The following MARK1 variants were observed in gnomAD, a reference collection of about 807,000 sequenced individuals.
MARK1 encodes the protein microtubule affinity regulating kinase 1.
Under a neutral mutation model 96.3 loss-of-function variants are expected in MARK1, and 40 were observed. The observed-to-expected ratio is 0.42, with a 90% CI of 0.32 to 0.54. The LOEUF is 0.54. Among genes scored for constraint, MARK1 ranks in the 20% least tolerant of loss-of-function variants. The pLI is 0.16. For missense variants in MARK1, 719 were observed against 984.6 expected (o/e 0.73, Z 3.61); for synonymous variants, 317 against 341.2 (o/e 0.93, Z 0.78).
rs112056463 is a variant in MARK1 at position 220,650,607 on chromosome 1, T to C, written c.1471-13T>C. 4.2e-4 allele frequency: 643 copies of C among 1,539,646 alleles called. 4 individuals carry two copies. In the African/African-American group the frequency reaches 8.0e-3, roughly 19 times the overall value. On this transcript the variant is annotated splice_polypyrimidine_tract_variant and intron_variant, in intron 13 of 17. Transcript: ENST00000366917. ...TTTATAATTTTTTAATTGCCTTTTTTTTATTCTTGAAGAACAATGTGTATT... is the reference window on the plus strand; with the variant it reads ...TTTATAATTTTTTAATTGCCTTTTTCTTATTCTTGAAGAACAATGTGTATT...
chr1:220,650,770 A>G, intron 14 of MARK1, 50 bp downstream of exon 14: 2 of 1,370,280 alleles, frequency 1.5e-6, no homozygotes, highest in Non-Finnish European at 1.0e-6. Flanking sequence ...GTTCTGTGTT[A>G]GTGCCCTTGC....
Position 220,653,316 on chromosome 1 carries a change from G to C in MARK1, c.1952G>C (p.Gly651Ala). Reference protein sequence around the residue: ...FAHARRGTSTGIISKITSKFV... With the variant: ...FAHARRGTSTAIISKITSKFV... ...CATGCCAGAAGGGGAACGTCAACTG[G>C]TATAATAAGCAAAATCACATCCAAA... The change falls in exon 16 of 18, where the codon GGT becomes GCT. Residue 651 changes from glycine (G) to alanine (A), a missense_variant. Gly to Ala is a moderately conservative substitution (Grantham distance 60). Coordinates refer to ENST00000366917, the MANE Select transcript of MARK1 (RefSeq NM_018650.5). 6.2e-7 allele frequency: 1 copy of C among 1,614,188 alleles called. No homozygotes were observed. The highest frequency in any genetic ancestry group is 8.5e-7 in the Non-Finnish European group (1 of 1,180,038).
At chr1:220,564,116 G>A (rs1662880149) in intron 1 of MARK1, among the ~76,000 whole-genome samples, 2 of 152,254 alleles carry the variant, frequency 1.3e-5, no homozygotes, top group South Asian at 2.1e-4. Context: ...GCATTAAATG[G>A]CCTTTAAATA....
chr1:220,586,950 T>C (rs1664664394), intron 3 of MARK1, among the ~76,000 whole-genome samples: 1 of 152,180 alleles, frequency 6.6e-6, no homozygotes, highest in South Asian at 2.1e-4. Context: ...TTTCTCATGA[T>C]ATTTATTTAT....
chr1:220,652,333 T>C (rs1668927480), intron 15 of MARK1, among the ~76,000 whole-genome samples, 183 bp downstream of exon 15: 1 of 152,246 alleles, frequency 6.6e-6, no homozygotes, highest in South Asian at 2.1e-4. Context: ...TTGGAAATGT[T>C]GCATATAACT....
intron 3 of MARK1, among the ~76,000 whole-genome samples, chr1:220,587,217 T>C (rs190945337): frequency 2.0e-4 from 30 of 152,276 alleles, no homozygotes; most frequent in Non-Finnish European, 3.8e-4. Context: ...TCATTTAACA[T>C]TGTCTTATAG....
chr1:220,534,485 T>A (rs772180431), intron 1 of MARK1, among the ~76,000 whole-genome samples: 5 of 152,118 alleles, frequency 3.3e-5, no homozygotes, highest in Non-Finnish European at 7.4e-5. Context: ...CAATCTACTC[T>A]CTATCTTCAT....
chr1:220,660,220 GC>G (rs1369942507), intron 17 of MARK1, among the ~76,000 whole-genome samples: 1 of 152,180 alleles, frequency 6.6e-6, no homozygotes, highest in Non-Finnish European at 1.5e-5. Context: ...TGGCTTGCAA[GC>G]CCTAAGAGGC....
At chr1:220,647,936 T>A (rs1391517728) in intron 13 of MARK1, among the ~76,000 whole-genome samples, 2 of 151,950 alleles carry the variant, frequency 1.3e-5, no homozygotes, top group East Asian at 3.9e-4. Flanking sequence ...AAATAGCTAT[T>A]GCATGCTGGG....
intron 1 of MARK1, among the ~76,000 whole-genome samples, chr1:220,578,895 T>C (rs927090294): frequency 2.0e-5 from 3 of 152,066 alleles, no homozygotes; most frequent in South Asian, 2.1e-4. Flanking sequence ...CAGGCTGGAG[T>C]GCACTGACAT....
At chr1:220,549,387 TG>T (rs1175758323) in intron 1 of MARK1, among the ~76,000 whole-genome samples, 3 of 152,252 alleles carry the variant, frequency 2.0e-5, no homozygotes, top group African/African-American at 7.2e-5. Context: ...CTGATGCTGC[TG>T]TTATTATTCC....
chr1:220,565,601 A>G (rs573106080), intron 1 of MARK1, among the ~76,000 whole-genome samples: 15 of 152,176 alleles, frequency 9.9e-5, no homozygotes, highest in Admixed American at 8.5e-4. Flanking sequence ...AACAAAATAT[A>G]ACTGGGAGTG....
At chr1:220,580,882 T>C (rs977687106) in intron 2 of MARK1, among the ~76,000 whole-genome samples, 183 bp from the exon 3 acceptor site, 9 of 152,222 alleles carry the variant, frequency 5.9e-5, no homozygotes, top group African/African-American at 2.2e-4. Flanking sequence ...ATTAAAGACT[T>C]GGGTCAATGG....
At chr1:220,661,790 TC>T in intron 17 of MARK1, 21 bp from the exon 18 acceptor site, 1 of 1,535,418 alleles carries the variant, frequency 6.5e-7, no homozygotes, top group Non-Finnish European at 8.9e-7. Context: ...TTTCATTCTT[TC>T]CCTTTGCCCT....
At chr1:220,583,814 A>ATTTTTTTTTTTTTTTTTTTTT (rs34848222) in intron 3 of MARK1, among the ~76,000 whole-genome samples, 1 of 105,206 alleles carries the variant, frequency 9.5e-6, no homozygotes. Flanking sequence ...TGCCTGGCTA[A>ATTTTTTTTTTTTTTTTTTTTT]TTTTTTTTTT....
intron 9 of MARK1, among the ~76,000 whole-genome samples, chr1:220,619,390 C>T (rs1214952361): frequency 6.6e-5 from 10 of 152,156 alleles, no homozygotes; most frequent in South Asian, 2.1e-4. Flanking sequence ...AGGAGAATGG[C>T]GTGAACTTGG....
chr1:220,535,409 T>C (rs1660617594), intron 1 of MARK1, among the ~76,000 whole-genome samples: 1 of 152,138 alleles, frequency 6.6e-6, no homozygotes, highest in African/African-American at 2.4e-5. Context: ...CCTTTGCACA[T>C]TTAAAAATCA....
chr1:220,571,928 A>G (rs541041998), intron 1 of MARK1: 1 of 152,236 alleles, frequency 6.6e-6, no homozygotes, highest in Admixed American at 6.5e-5. Flanking sequence ...CTTAGTGCAA[A>G]CACCAGGTCA....
intron 13 of MARK1, among the ~76,000 whole-genome samples, chr1:220,636,451 A>G (rs1027605925): frequency 1.3e-5 from 2 of 152,184 alleles, no homozygotes; most frequent in African/African-American, 4.8e-5. Flanking sequence ...ATGCTCTCCC[A>G]TAAGGCAGCA....
Sources: allele counts gnomAD v4.1 joint callset (sites outside exome capture counted in the v4.1 genomes callset), GRCh38; gene constraint gnomAD v4.1.1; transcripts MANE v1.5; gene names NCBI Gene and HGNC (gene_info 2026-07-23, HGNC 2026-07-21).